The following GCA variants were observed in gnomAD, a reference collection of about 807,000 sequenced individuals.
GCA encodes the protein grancalcin, EF-hand calcium-binding protein.
GCA carries 30 observed loss-of-function variants against 32.6 expected under a neutral mutation model. The ratio of observed to expected loss-of-function variants is 0.92; its 90% CI spans 0.69 to 1.25. The LOEUF (loss-of-function observed/expected upper bound fraction) is 1.25, where lower values mean the gene tolerates loss of function less well. Ranked by LOEUF, GCA falls within the 50% of genes most tolerant of loss-of-function variation. GCA has a pLI of 0.00. For missense variants in GCA, 291 were observed against 266.8 expected (o/e 1.09, Z -0.63); for synonymous variants, 102 against 84.6 (o/e 1.21, Z -1.13).
At chr2:162,325,903 G>A (rs1683859475) in intron 1 of GCA, among the ~76,000 whole-genome samples, 1 of 152,162 alleles carries the variant, frequency 6.6e-6, no homozygotes, top group African/African-American at 2.4e-5. Context: ...TAGGGAGACG[G>A]GGACCTGGAC....
chr2:162,370,632 A>G (rs919317832), intron 4 of GCA, among the ~76,000 whole-genome samples: 2 of 152,146 alleles, frequency 1.3e-5, no homozygotes, highest in African/African-American at 2.4e-5. Flanking sequence ...TACTGCTGGT[A>G]TGTGCATTTT....
chr2:162,371,818 G>C, downstream of GCA: 1 of 1,604,782 alleles, frequency 6.2e-7, no homozygotes, highest in Non-Finnish European at 8.5e-7. Context: ...GGAGTAAATA[G>C]TACAAAATGA....
At chr2:162,328,056 C>T (rs574764720) in intron 1 of GCA, among the ~76,000 whole-genome samples, 51 of 152,118 alleles carry the variant, frequency 3.4e-4, no homozygotes, top group African/African-American at 1.1e-3. Flanking sequence ...CTGTGGGAGC[C>T]CCTTTCTGGG....
At chr2:162,349,859 A>G (rs1427787647) in intron 2 of GCA, among the ~76,000 whole-genome samples, 2 of 152,178 alleles carry the variant, frequency 1.3e-5, no homozygotes, top group Non-Finnish European at 2.9e-5. Context: ...CTTTTCTTTT[A>G]TAATGGTCAA....
intron 2 of GCA, among the ~76,000 whole-genome samples, chr2:162,348,815 G>A (rs567490857): frequency 1.6e-4 from 25 of 152,184 alleles, no homozygotes; most frequent in African/African-American, 4.8e-4. Context: ...GGAAAATTAA[G>A]CAAATAGGAT....
chr2:162,335,498 A>G (rs1390319462), intron 1 of GCA, among the ~76,000 whole-genome samples: 1 of 151,898 alleles, frequency 6.6e-6, no homozygotes, highest in Non-Finnish European at 1.5e-5. Flanking sequence ...AGGTTGGGTT[A>G]AGGGTTGGGA....
rs1284468160 is a variant in GCA, at chr2:162,344,271, G to A, written c.23G>A (p.Gly8Glu). MAYPGYG[G>E]GFGNFSIQVP... ...GTCATGGCCTACCCGGGATACGGAGGAGGGGTGAGTCCCAGCCGCTTGGTC... is the reference window on the plus strand; with the variant it reads ...GTCATGGCCTACCCGGGATACGGAGAAGGGGTGAGTCCCAGCCGCTTGGTC... The change falls in exon 1 of 8, where the codon GGA becomes GAA. Residue 8 changes from glycine to glutamate, a missense_variant. By Grantham distance (98) the Gly-to-Glu change is moderately conservative. Transcript: ENST00000437150. 4 of 1,613,726 alleles carry A rather than the reference G, an allele frequency of 2.5e-6. No individual in the cohort carries two copies. Among genetic ancestry groups the A allele is most frequent in the East Asian group, 2.2e-5 (1 of 44,840 alleles).
chr2:162,323,029 G>A (rs1400481236), intron 1 of GCA, among the ~76,000 whole-genome samples: 1 of 151,862 alleles, frequency 6.6e-6, no homozygotes, highest in Non-Finnish European at 1.5e-5. Flanking sequence ...CACCAACAGT[G>A]CAAAAGTGTT....
At chr2:162,320,952 G>C (rs1683640067) in intron 1 of GCA, among the ~76,000 whole-genome samples, 1 of 152,174 alleles carries the variant, frequency 6.6e-6, no homozygotes, top group Admixed American at 6.5e-5. Flanking sequence ...AACCCTATTA[G>C]CATCACATAA....
chr2:162,328,023 G>T (rs1385659644), intron 1 of GCA, among the ~76,000 whole-genome samples: 1 of 152,042 alleles, frequency 6.6e-6, no homozygotes, highest in African/African-American at 2.4e-5. Flanking sequence ...GGCACTTGAG[G>T]AGCCCTTTAG....
chr2:162,324,223 A>G (rs1406521216), intron 1 of GCA, among the ~76,000 whole-genome samples: 1 of 152,170 alleles, frequency 6.6e-6, no homozygotes, highest in Non-Finnish European at 1.5e-5. Flanking sequence ...CATTGTCTCA[A>G]GGACAGAGGG....
intron 1 of GCA, among the ~76,000 whole-genome samples, chr2:162,320,173 A>G (rs984058309): frequency 6.6e-6 from 1 of 152,214 alleles, no homozygotes; most frequent in African/African-American, 2.4e-5. Flanking sequence ...GTTGAAGTAA[A>G]TGAAACCTTG....
At chr2:162,321,846 C>T (rs1683675072) in intron 1 of GCA, among the ~76,000 whole-genome samples, 2 of 132,516 alleles carry the variant, frequency 1.5e-5, no homozygotes, top group African/African-American at 5.6e-5. Context: ...TGCTAGTCTT[C>T]AAAGAATGCA....
At chr2:162,330,179 G>A (rs369670251) in intron 1 of GCA, among the ~76,000 whole-genome samples, 14 of 152,110 alleles carry the variant, frequency 9.2e-5, no homozygotes, top group South Asian at 4.1e-4. Context: ...TATTCCTTTG[G>A]GTATATACCC....
downstream of GCA, chr2:162,371,898 T>C (rs777033667): frequency 6.2e-7 from 1 of 1,613,832 alleles, no homozygotes; most frequent in South Asian, 1.1e-5. Context: ...TGCTTAGGGA[T>C]GAATCTGGCA....
Position 162,356,425 on chromosome 2 carries a change from A to G in GCA, c.263-13A>G. On this transcript the variant is annotated splice_polypyrimidine_tract_variant and intron_variant, in intron 3 of 7. Transcript: ENST00000437150. ...GGGCATACTCTAATTTAAATATTGA[A>G]TATGTTTTACAGCCTTCAGTTTGGA... The G allele has an allele frequency of 6.8e-7, 1 of 1,476,018 alleles. No homozygotes were observed. The highest frequency in any genetic ancestry group is 1.1e-5 in the South Asian group (1 of 87,108). The allele number at this position is 1,476,018 out of a possible 1,614,324, so 91.4% of individuals were successfully genotyped here. A position where few individuals can be genotyped will look rare whatever the true frequency, so the allele number is the denominator to read the frequency against.
At chr2:162,340,408 C>T (rs1558889842), upstream of GCA, among the ~76,000 whole-genome samples, 1 of 152,200 alleles carries the variant, frequency 6.6e-6, no homozygotes, top group Admixed American at 6.5e-5. Context: ...GCTGGCTATA[C>T]CTTAAAAACA....
At chr2:162,364,802 A>T (rs1021726207), downstream of GCA, among the ~76,000 whole-genome samples, 5 of 151,686 alleles carry the variant, frequency 3.3e-5, no homozygotes, top group Admixed American at 3.3e-4. Flanking sequence ...ATTCTTGCTT[A>T]AAAAAATGAA....
chr2:162,318,862 C>A (rs190273293), upstream of GCA: 845 of 194,696 alleles, frequency 4.3e-3, 12 homozygotes, highest in African/African-American at 0.018. Context: ...TCTCTGACAC[C>A]AAGACCAACG....
Sources: allele counts gnomAD v4.1 joint callset (sites outside exome capture counted in the v4.1 genomes callset), GRCh38; gene constraint gnomAD v4.1.1; transcripts MANE v1.5; gene names NCBI Gene and HGNC (gene_info 2026-07-23, HGNC 2026-07-21).